The following SYN3 variants were observed in gnomAD, a reference collection of about 807,000 sequenced individuals.
SYN3 encodes synapsin III, also known as synapsin-3.
SYN3 carries 35 observed loss-of-function variants against 65.8 expected under a neutral mutation model. That is an observed-to-expected ratio of 0.53 (90% CI 0.41 to 0.70). The LOEUF (loss-of-function observed/expected upper bound fraction) is 0.70, where lower values mean the gene tolerates loss of function less well. Ranked by LOEUF, SYN3 falls within the 30% of genes least tolerant of loss-of-function variation. SYN3 has a pLI of 0.00. For missense variants in SYN3, 680 were observed against 749.0 expected (o/e 0.91, Z 1.08); for synonymous variants, 270 against 292.9 (o/e 0.92, Z 0.80).
chr22:32,743,026 A>C (rs1328020164), intron 6 of SYN3, among the ~76,000 whole-genome samples: 2 of 152,232 alleles, frequency 1.3e-5, no homozygotes, highest in African/African-American at 4.8e-5. Context: ...TGAATTGTCC[A>C]TTCAATAATA....
chr22:32,619,459 C>A (rs1329602111), intron 6 of SYN3, among the ~76,000 whole-genome samples: 2 of 152,082 alleles, frequency 1.3e-5, no homozygotes, highest in Non-Finnish European at 2.9e-5. Flanking sequence ...TCAGACTGTG[C>A]TAGAGTGATG....
chr22:32,637,124 A>G (rs935149861), intron 6 of SYN3, among the ~76,000 whole-genome samples: 2 of 152,206 alleles, frequency 1.3e-5, no homozygotes, highest in Admixed American at 1.3e-4. Flanking sequence ...GAGTCCCTGC[A>G]GGGAGGAAGA....
At chr22:32,518,674 A>G (rs190962948) in intron 12 of SYN3, among the ~76,000 whole-genome samples, 27 of 152,342 alleles carry the variant, frequency 1.8e-4, no homozygotes, top group Middle Eastern at 3.4e-3. Context: ...AAAAACATAT[A>G]TAAAAAAGCA....
intron 6 of SYN3, among the ~76,000 whole-genome samples, chr22:32,749,741 C>T (rs993952910): frequency 1.3e-5 from 2 of 152,212 alleles, no homozygotes; most frequent in African/African-American, 4.8e-5. Flanking sequence ...CCCTGCTTTG[C>T]AGTGCTGTTG....
At chr22:32,937,842 A>C (rs886220160) in intron 3 of SYN3, among the ~76,000 whole-genome samples, 1 of 151,618 alleles carries the variant, frequency 6.6e-6, no homozygotes, top group Non-Finnish European at 1.5e-5. Flanking sequence ...AATACACACA[A>C]AAAAAAGCAA....
At chr22:32,716,060 G>A (rs1360493632) in intron 6 of SYN3, among the ~76,000 whole-genome samples, 1 of 152,168 alleles carries the variant, frequency 6.6e-6, no homozygotes. Context: ...TCAAAGGAGA[G>A]AAAGGATGCT....
intron 3 of SYN3, among the ~76,000 whole-genome samples, chr22:32,938,708 C>T (rs1231507097): frequency 1.3e-5 from 2 of 151,976 alleles, no homozygotes; most frequent in East Asian, 1.9e-4. Context: ...GGGTGGATAA[C>T]CTGAGGTCAG....
intron 6 of SYN3, among the ~76,000 whole-genome samples, chr22:32,785,795 G>A (rs2046177360): frequency 6.6e-6 from 1 of 152,074 alleles, no homozygotes; most frequent in African/African-American, 2.4e-5. Context: ...TGTCCACCAG[G>A]CCAACGCAAG....
chr22:32,790,679 G>A (rs5998638), intron 6 of SYN3, among the ~76,000 whole-genome samples: 53,169 of 151,940 alleles, frequency 0.35, 9,640 homozygotes, highest in East Asian at 0.51. Context: ...CGCCTGCCTC[G>A]GCCTCTCAAA....
intron 6 of SYN3, among the ~76,000 whole-genome samples, chr22:32,603,548 AAAAG>A (rs1254072762): frequency 1.1e-3 from 169 of 151,462 alleles, no homozygotes; most frequent in Non-Finnish European, 2.0e-3. Context: ...AAAAAAAAAA[AAAAG>A]AAAGAAAGAA....
intron 1 of SYN3, among the ~76,000 whole-genome samples, chr22:33,027,637 C>CACAG (rs150706198): frequency 6.7e-6 from 1 of 149,630 alleles, no homozygotes; most frequent in East Asian, 2.0e-4. Flanking sequence ...GACAGACAGA[C>CACAG]AGAGAGAGAG....
intron 7 of SYN3, among the ~76,000 whole-genome samples, chr22:32,583,626 A>G (rs2058980848): frequency 2.6e-5 from 4 of 152,156 alleles, no homozygotes; most frequent in Admixed American, 1.3e-4. Flanking sequence ...TGCTTATCTC[A>G]TCTGTAAAAT....
chr22:32,975,460 T>C (rs2052157789), intron 3 of SYN3, among the ~76,000 whole-genome samples: 1 of 151,926 alleles, frequency 6.6e-6, no homozygotes, highest in African/African-American at 2.4e-5. Flanking sequence ...TCGTCAGTCA[T>C]CATTTTTTAG....
intron 3 of SYN3, among the ~76,000 whole-genome samples, chr22:32,974,175 C>T (rs1248680841): frequency 6.6e-6 from 1 of 152,150 alleles, no homozygotes; most frequent in Non-Finnish European, 1.5e-5. Context: ...GCTTATTGTT[C>T]TTGATATTTA....
intron 4 of SYN3, among the ~76,000 whole-genome samples, chr22:32,911,884 AAAG>A (rs1487244328): frequency 6.6e-6 from 1 of 152,178 alleles, no homozygotes; most frequent in African/African-American, 2.4e-5. Flanking sequence ...GACGTCAGAA[AAAG>A]AAGGTGGCAT....
chr22:32,773,004 CT>C (rs2045814181), intron 6 of SYN3, among the ~76,000 whole-genome samples: 1 of 152,168 alleles, frequency 6.6e-6, no homozygotes, highest in South Asian at 2.1e-4. Flanking sequence ...TATGATCTCC[CT>C]CGCAACTACT....
intron 6 of SYN3, among the ~76,000 whole-genome samples, chr22:32,661,715 T>TCAAC (rs1354502464): frequency 6.6e-6 from 1 of 152,124 alleles, no homozygotes. Context: ...ACCTTTCTTG[T>TCAAC]CAACACCAAC....
chr22:33,029,303 T>A (rs1009902668), intron 1 of SYN3, among the ~76,000 whole-genome samples: 16 of 152,014 alleles, frequency 1.1e-4, no homozygotes, highest in African/African-American at 3.9e-4. Flanking sequence ...GCCTACCAAG[T>A]AGTCAAGACT....
In SYN3 at chr22:32,975,572, G is replaced by A. The variant is rs537805536; in HGVS notation, c.369+5073C>T. Among the ~76,000 whole-genome samples the A allele has an allele frequency of 4.9e-4, 75 of 152,154 alleles. No individual in the cohort carries two copies. The East Asian group carries it at 0.012, about 25-fold the overall frequency. ...CTCCCAAAGTGCTGGGATTACAGGC[G>A]TGAGCTACTGCAACCAGCCGAACCT... On this transcript the variant is annotated intron_variant, in intron 3 of 13. Coordinates refer to ENST00000358763, the MANE Select transcript of SYN3 (RefSeq NM_003490.4).
Sources: gnomAD v4.1 joint callset for allele counts (sites outside exome capture counted in the v4.1 genomes callset) on GRCh38, gnomAD v4.1.1 for gene constraint, MANE v1.5 for transcripts, NCBI Gene and HGNC (gene_info 2026-07-23, HGNC 2026-07-21) for gene names.